Variants in TP73 observed in about 807,000 individuals in gnomAD.
TP73 encodes the protein p53-like transcription factor.
TP73 carries 25 observed loss-of-function variants against 62.5 expected under a neutral mutation model. The observed-to-expected ratio is 0.40, with a 90% confidence interval of 0.29 to 0.56. TP73 has a LOEUF of 0.56. Ranked by LOEUF, TP73 falls within the 20% of genes least tolerant of loss-of-function variation. The pLI is 0.46. For synonymous variants in TP73, 423 were observed against 377.5 expected (o/e 1.12, Z -1.40); for missense variants, 754 against 913.3 (o/e 0.83, Z 2.25).
intron 3 of TP73, chr1:3,690,532 C>T: frequency 1.1e-6 from 1 of 874,168 alleles, no homozygotes; most frequent in South Asian, 3.2e-5. Flanking sequence ...AATTATGGAG[C>T]CGGCGCTGAC....
chr1:3,711,193 G>T (rs1389540583), intron 4 of TP73, among the ~76,000 whole-genome samples: 1 of 152,232 alleles, frequency 6.6e-6, no homozygotes, highest in Non-Finnish European at 1.5e-5. Context: ...GACTTCTTAG[G>T]TCAGGGCAGG....
At chr1:3,693,420 ACT>A (rs1366777859) in intron 3 of TP73, among the ~76,000 whole-genome samples, 1 of 152,092 alleles carries the variant, frequency 6.6e-6, no homozygotes, top group Admixed American at 6.5e-5. Context: ...GTTGCAGGAC[ACT>A]GTCTGAGCCC....
intron 10 of TP73, chr1:3,729,790 G>A (rs1002889068): frequency 4.0e-5 from 32 of 805,920 alleles, no homozygotes; most frequent in East Asian, 5.4e-5. Context: ...CCTGCCTCCC[G>A]GCCCCGCCAT....
intron 1 of TP73, among the ~76,000 whole-genome samples, chr1:3,674,806 G>A (rs1645326345): frequency 6.6e-6 from 1 of 152,216 alleles, no homozygotes; most frequent in Non-Finnish European, 1.5e-5. Flanking sequence ...CTCTGATGAC[G>A]CCCTGCAGGA....
intron 12 of TP73, 101 bp from the exon 13 acceptor site, chr1:3,731,362 C>A: frequency 1.6e-6 from 2 of 1,224,076 alleles, no homozygotes; most frequent in Non-Finnish European, 2.3e-6. Context: ...TCGGAGACAG[C>A]GGCAGTCTCC....
At chr1:3,667,115 A>G (rs1463414824) in intron 1 of TP73, among the ~76,000 whole-genome samples, 1 of 152,172 alleles carries the variant, frequency 6.6e-6, no homozygotes, top group East Asian at 1.9e-4. Flanking sequence ...GTCACATGCC[A>G]AGGAATATGC....
At chr1:3,698,457 A>G (rs1638861626) in intron 3 of TP73, among the ~76,000 whole-genome samples, 3 of 152,188 alleles carry the variant, frequency 2.0e-5, no homozygotes, top group Non-Finnish European at 2.9e-5. Flanking sequence ...GGCCTCCCGC[A>G]GACACTCAGG....
chr1:3,671,004 C>T (rs1481034681), intron 1 of TP73, among the ~76,000 whole-genome samples: 1 of 152,162 alleles, frequency 6.6e-6, no homozygotes, highest in East Asian at 1.9e-4. Context: ...TGGGGAAGAC[C>T]AGCGTCTCTT....
intron 3 of TP73, among the ~76,000 whole-genome samples, chr1:3,691,912 C>A (rs1463400987): frequency 2.0e-5 from 3 of 152,152 alleles, no homozygotes; most frequent in African/African-American, 7.2e-5. Flanking sequence ...GGCAGTGTGA[C>A]CAGGGTGTGT....
At chr1:3,716,651 G>A (rs966864500) in intron 4 of TP73, among the ~76,000 whole-genome samples, 49 of 152,188 alleles carry the variant, frequency 3.2e-4, no homozygotes, top group African/African-American at 1.1e-3. Flanking sequence ...ACCAGTGAAG[G>A]CCACAGCCTC....
chr1:3,697,639 A>C (rs1570494052), intron 3 of TP73, among the ~76,000 whole-genome samples: 1 of 152,216 alleles, frequency 6.6e-6, no homozygotes, highest in African/African-American at 2.4e-5. Context: ...GCCGGCTGCC[A>C]TCTTCCTGCA....
intron 9 of TP73, 96 bp downstream of exon 9, chr1:3,728,313 A>G (rs116802335): frequency 9.1e-6 from 12 of 1,317,902 alleles, no homozygotes; most frequent in Non-Finnish European, 1.1e-5. Flanking sequence ...TCTGGAGACC[A>G]TGGTGGAGGG....
intron 3 of TP73, among the ~76,000 whole-genome samples, chr1:3,688,152 G>C (rs568962342): frequency 6.6e-6 from 1 of 152,034 alleles, no homozygotes; most frequent in Non-Finnish European, 1.5e-5. Context: ...AGCTCACCAC[G>C]GTCAGCTCTG....
intron 4 of TP73, among the ~76,000 whole-genome samples, chr1:3,710,173 C>A (rs1480141185): frequency 7.3e-6 from 1 of 137,326 alleles, no homozygotes; most frequent in Non-Finnish European, 1.5e-5. Context: ...TCGCTCCCTC[C>A]CTGCTGGGCT....
At chr1:3,698,035 G>A in intron 3 of TP73, 1 of 978,624 alleles carries the variant, frequency 1.0e-6, no homozygotes, top group Non-Finnish European at 1.2e-6. Flanking sequence ...CCCATTCTCG[G>A]CTCAGCCACT....
rs1642291090 is a variant in TP73 at position 3,733,543 on chromosome 1, C to T, written c.*464C>T. On this transcript the variant is annotated 3_prime_UTR_variant, in exon 14 of 14. Coordinates refer to ENST00000378295, the MANE Select transcript of TP73 (RefSeq NM_005427.4). ...TTGGTTCTGGATAGTAGTGAGCAGC[C>T]AAGTGACTGTGTCTGAAACACCAGT... 1 of 175,140 alleles carries T rather than the reference C, an allele frequency of 5.7e-6. No homozygotes were observed. Among genetic ancestry groups the T allele is most frequent in the Non-Finnish European group, 1.2e-5 (1 of 80,782 alleles). The allele number at this position is 175,140 out of a possible 1,614,324, so 10.8% of individuals were successfully genotyped here. A position where few individuals can be genotyped will look rare whatever the true frequency, so the allele number is the denominator to read the frequency against.
In TP73 at chr1:3,687,543, G is replaced by A. The variant is rs149061060; in HGVS notation, c.186+4363G>A. Among the ~76,000 whole-genome samples, 13 of 151,636 alleles carry A rather than the reference G, an allele frequency of 8.6e-5. No individual in the cohort carries two copies. The East Asian group carries it at 1.2e-3, about 14-fold the overall frequency. On this transcript the variant is annotated intron_variant, in intron 3 of 13. Transcript: ENST00000378295. ...AATCCCTGCCCCTCTGAGCGCTAGC[G>A]TCCCCTCGGACAAAACCAGCGCAGG...
At chr1:3,655,496 T>C (rs1644847205) in intron 1 of TP73, among the ~76,000 whole-genome samples, 1 of 152,178 alleles carries the variant, frequency 6.6e-6, no homozygotes, top group Admixed American at 6.5e-5. Context: ...CCTTTTAAGA[T>C]ATCTGTATGT....
At chr1:3,727,834 C>T in intron 8 of TP73, 64 bp downstream of exon 8, 2 of 1,462,602 alleles carry the variant, frequency 1.4e-6, no homozygotes, top group Middle Eastern at 2.1e-4. Context: ...TGGCAGGACA[C>T]AATGTGAGCC....
Sources: allele counts gnomAD v4.1 joint callset (sites outside exome capture counted in the v4.1 genomes callset), GRCh38; gene constraint gnomAD v4.1.1; transcripts MANE v1.5; gene names NCBI Gene and HGNC (gene_info 2026-07-23, HGNC 2026-07-21).